ERBB4: variants seen among roughly 807,000 people sequenced by gnomAD.
The protein encoded by ERBB4 is receptor tyrosine-protein kinase erbB-4.
In ERBB4, 42 loss-of-function variants were observed where a neutral mutation model predicts 158.0. The observed-to-expected ratio is 0.27, with a 90% CI of 0.21 to 0.34. ERBB4 has a LOEUF of 0.34. ERBB4 is among the 10% of genes least tolerant of loss of function. ERBB4 has a pLI of 1.00. For missense variants in ERBB4, 1,333 were observed against 1,624.1 expected (o/e 0.82, Z 3.08); for synonymous variants, 583 against 558.7 (o/e 1.04, Z -0.61).
intron 25 of ERBB4, among the ~76,000 whole-genome samples, chr2:211,399,113 T>G (rs16846049): frequency 6.6e-6 from 1 of 152,032 alleles, no homozygotes; most frequent in African/African-American, 2.4e-5. Context: ...TTATGAAAAA[T>G]TGTCAGTAGC....
At chr2:211,447,657 A>G (rs1283417561) in intron 20 of ERBB4, among the ~76,000 whole-genome samples, 3 of 152,194 alleles carry the variant, frequency 2.0e-5, no homozygotes, top group African/African-American at 7.2e-5. Flanking sequence ...TATTTTGATT[A>G]AAAAGTTCTA....
chr2:212,065,678 A>G (rs1378351714), intron 2 of ERBB4, among the ~76,000 whole-genome samples: 2 of 152,044 alleles, frequency 1.3e-5, no homozygotes, highest in Non-Finnish European at 1.5e-5. Flanking sequence ...GAAAATGTCT[A>G]TAATGACTTA....
chr2:211,544,587 G>A (rs986673354), intron 20 of ERBB4, among the ~76,000 whole-genome samples: 21 of 151,910 alleles, frequency 1.4e-4, no homozygotes, highest in African/African-American at 5.1e-4. Flanking sequence ...AAATGAGAAG[G>A]AAGTAAACAA....
chr2:211,472,249 T>C (rs1222539859), intron 20 of ERBB4, among the ~76,000 whole-genome samples: 1 of 151,362 alleles, frequency 6.6e-6, no homozygotes, highest in Non-Finnish European at 1.5e-5. Context: ...TTAGTGATAA[T>C]GACAAGTGTC....
rs539526945 is a variant in ERBB4, at chr2:211,393,054, T to A, written c.3136-5062A>T. ...TAAAAAATTGAACAAATGGAAACTA[T>A]GAGTGGTATCTGTAAATATGAACAA... On this transcript the variant is annotated intron_variant, in intron 25 of 27. Coordinates refer to ENST00000342788, the MANE Select transcript of ERBB4 (RefSeq NM_005235.3). Among the ~76,000 whole-genome samples, 7 of 152,218 alleles carry A rather than the reference T, an allele frequency of 4.6e-5. No homozygotes were observed. In the South Asian group the frequency reaches 6.2e-4, roughly 14 times the overall value.
At chr2:212,034,122 A>C (rs1213258850) in intron 2 of ERBB4, among the ~76,000 whole-genome samples, 3 of 152,044 alleles carry the variant, frequency 2.0e-5, no homozygotes, top group East Asian at 3.9e-4. Flanking sequence ...GGTTGTATAC[A>C]TAATAAAGAT....
At chr2:211,390,545 A>G (rs1283734892) in intron 25 of ERBB4, among the ~76,000 whole-genome samples, 2 of 152,256 alleles carry the variant, frequency 1.3e-5, no homozygotes, top group Non-Finnish European at 2.9e-5. Flanking sequence ...AAACAATCAA[A>G]GGAACAACTT....
chr2:211,824,099 T>C (rs1212004611), intron 3 of ERBB4, among the ~76,000 whole-genome samples: 1 of 152,004 alleles, frequency 6.6e-6, no homozygotes, highest in Non-Finnish European at 1.5e-5. Flanking sequence ...GCAAGTGCTT[T>C]CCCATTGCCC....
At chr2:211,897,811 A>G (rs965286314) in intron 3 of ERBB4, among the ~76,000 whole-genome samples, 3 of 151,996 alleles carry the variant, frequency 2.0e-5, no homozygotes, top group Admixed American at 1.3e-4. Context: ...TGGCATAATC[A>G]TAGCTGACTG....
intron 1 of ERBB4, among the ~76,000 whole-genome samples, chr2:212,242,870 G>C (rs961725841): frequency 6.6e-6 from 1 of 152,186 alleles, no homozygotes; most frequent in Admixed American, 6.5e-5. Flanking sequence ...ACTGTGGTCT[G>C]ATTGCATTAG....
chr2:211,509,100 G>A (rs1187063830), intron 20 of ERBB4, among the ~76,000 whole-genome samples: 1 of 151,962 alleles, frequency 6.6e-6, no homozygotes, highest in Non-Finnish European at 1.5e-5. Context: ...ACCAAACACC[G>A]CATGTTCTCA....
Position 211,964,885 on chromosome 2 carries a change from A to G in ERBB4, c.235-17269T>C, listed in dbSNP as rs537718793. Among the ~76,000 whole-genome samples, 33 of 152,278 alleles carry G rather than the reference A, an allele frequency of 2.2e-4. 1 individual carries two copies. The South Asian group carries it at 6.2e-3, about 29-fold the overall frequency. On this transcript the variant is annotated intron_variant, in intron 2 of 27. Transcript: ENST00000342788. ...TCATTATTACCACTCTTAGAACATT[A>G]CTTTTATGAATACCTACTATATAGG...
rs1320464145 is a variant in ERBB4 at position 211,383,560 on chromosome 2, G to A, written c.*55C>T. 6 of 1,432,398 alleles carry A rather than the reference G, an allele frequency of 4.2e-6. No individual in the cohort carries two copies. The highest frequency in any genetic ancestry group is 2.4e-4 in the Middle Eastern group (1 of 4,162). 88.7% of individuals were successfully genotyped at this position (1,432,398 alleles called of 1,614,324 possible). A position where few individuals can be genotyped will look rare whatever the true frequency, so the allele number is the denominator to read the frequency against. On this transcript the variant is annotated 3_prime_UTR_variant, in exon 28 of 28. Coordinates refer to ENST00000342788, the MANE Select transcript of ERBB4 (RefSeq NM_005235.3). ...AGGAAGACCACCAGAGAAAGAGAGG[G>A]GGGTGGGGAAATTGGAGCAGGTGTG...
At chr2:211,809,145 C>A (rs528274916) in intron 3 of ERBB4, among the ~76,000 whole-genome samples, 60 of 152,292 alleles carry the variant, frequency 3.9e-4, no homozygotes, top group African/African-American at 1.4e-3. Flanking sequence ...ATTGCCCTGG[C>A]CAGAACTTCC....
At chr2:212,301,510 A>G (rs1157267319) in intron 1 of ERBB4, among the ~76,000 whole-genome samples, 2 of 151,398 alleles carry the variant, frequency 1.3e-5, no homozygotes, top group African/African-American at 4.8e-5. Context: ...AGTTTATTCA[A>G]TCAACTGATA....
chr2:211,974,307 T>C (rs1330235439), intron 2 of ERBB4, among the ~76,000 whole-genome samples: 1 of 152,062 alleles, frequency 6.6e-6, no homozygotes, highest in African/African-American at 2.4e-5. Flanking sequence ...GTGCTTAAGA[T>C]AGTTTTAGAG....
rs781355178 is a variant in ERBB4, at chr2:211,428,448, A to G, written c.2679T>C (p.His893=). Residue 893 remains histidine, a synonymous_variant, in exon 22 of 28, where the codon CAT becomes CAC. Transcript: ENST00000342788. ...CACTCTGATGGGTGAATTTCCTGTA[A>G]TGTATACACTCCAGAGCCATCCATT... ...PIKWMALECI[H]YRKFTHQSDV... The G allele has an allele frequency of 4.4e-6, 7 of 1,590,232 alleles. No individual in the cohort carries two copies. The South Asian group carries it at 6.6e-5, about 15-fold the overall frequency.
chr2:211,474,740 C>T (rs1413896400), intron 20 of ERBB4, among the ~76,000 whole-genome samples: 3 of 151,936 alleles, frequency 2.0e-5, no homozygotes, highest in Non-Finnish European at 4.4e-5. Flanking sequence ...CTGAACCACT[C>T]ACAGGTAGGT....
chr2:212,327,352 T>C (rs1282871024), intron 1 of ERBB4, among the ~76,000 whole-genome samples: 1 of 151,942 alleles, frequency 6.6e-6, no homozygotes, highest in Non-Finnish European at 1.5e-5. Flanking sequence ...TGACACATAG[T>C]GTGTATGTGC....
Sources: allele counts gnomAD v4.1 joint callset (sites outside exome capture counted in the v4.1 genomes callset), GRCh38; gene constraint gnomAD v4.1.1; transcripts MANE v1.5; gene names NCBI Gene and HGNC (gene_info 2026-07-23, HGNC 2026-07-21).